BBS9: variants seen among roughly 807,000 people sequenced by gnomAD.
BBS9 encodes the protein Bardet-Biedl syndrome 9.
A neutral mutation model predicts 117.7 loss-of-function variants in BBS9; 89 were observed. The observed-to-expected ratio is 0.76, with a 90% CI of 0.64 to 0.90. The LOEUF is 0.90. Among genes scored for constraint, BBS9 ranks in the 40% least tolerant of loss-of-function variants. The probability of loss-of-function intolerance (pLI) is 0.00; values close to 1 mark genes in which losing one functional copy is unlikely to be tolerated. For synonymous variants in BBS9, 379 were observed against 370.9 expected, an observed-to-expected ratio of 1.02 and a Z score of -0.25; for missense variants, 982 against 1,042.2, an observed-to-expected ratio of 0.94 and a Z score of 0.80.
chr7:33,294,989 GT>G lies in BBS9; in HGVS notation c.1016+21034del, dbSNP rs138349462. 7.5e-3 allele frequency among the ~76,000 whole-genome samples: 1,143 copies of G among 152,232 alleles called. 19 individuals are homozygous for G. Among genetic ancestry groups the G allele is most frequent in the African/African-American group, 0.026 (1,092 of 41,552 alleles). ...TAGGTTTACTGTTACAATGAGACCAGTACAATCTTTTATTTAGGCATTTTAT... is the reference window on the plus strand; with the variant it reads ...TAGGTTTACTGTTACAATGAGACCAGACAATCTTTTATTTAGGCATTTTAT... On this transcript the variant is annotated intron_variant, in intron 9 of 22. Coordinates refer to ENST00000242067, the MANE Select transcript of BBS9 (RefSeq NM_198428.3).
rs1274169022 is a variant in BBS9, at chr7:33,340,906, C to T, written c.1208C>T (p.Pro403Leu). 6.2e-7 allele frequency: 1 copy of T among 1,613,020 alleles called. No individual in the cohort carries two copies. Among genetic ancestry groups the T allele is most frequent in the South Asian group, 1.1e-5 (1 of 91,030 alleles). ...KDVNKSQGVW[P>L]MTEREDDLNV... ...TTTTTTTAAATCACAGGTGTTTGGC[C>T]CATGACTGAGAGAGAAGATGACTTG... Residue 403 changes from proline (P) to leucine (L), a missense_variant, in exon 11 of 23, where the codon CCC (proline) becomes CTC (leucine). Physicochemically the swap from Pro to Leu is moderately conservative, Grantham distance 98. Transcript: ENST00000242067.
intron 15 of BBS9, among the ~76,000 whole-genome samples, chr7:33,356,314 T>C (rs1288112111): frequency 6.6e-6 from 1 of 151,944 alleles, no homozygotes; most frequent in Middle Eastern, 3.4e-3. Context: ...TGTGGTGATA[T>C]TGACAGTCGT....
At chr7:33,311,586 G>A (rs114508251) in intron 9 of BBS9, among the ~76,000 whole-genome samples, 8,873 of 152,162 alleles carry the variant, frequency 0.058, 304 homozygotes, top group African/African-American at 0.077. Flanking sequence ...ATATTCCGAG[G>A]CAGGCAGATC....
intron 9 of BBS9, among the ~76,000 whole-genome samples, chr7:33,313,338 A>C (rs11976613): frequency 0.17 from 26,183 of 152,132 alleles, 2,485 homozygotes; most frequent in South Asian, 0.21. Context: ...GTAGGTGCTA[A>C]ATAAATATTT....
intron 12 of BBS9, among the ~76,000 whole-genome samples, chr7:33,345,893 C>A (rs775197218): frequency 1.1e-4 from 17 of 152,076 alleles, no homozygotes; most frequent in African/African-American, 4.1e-4. Context: ...TAATTGTACC[C>A]CCAGCCAACC....
intron 1 of BBS9, among the ~76,000 whole-genome samples, chr7:33,141,861 C>T (rs939641050): frequency 8.6e-5 from 13 of 151,238 alleles, no homozygotes; most frequent in Non-Finnish European, 1.9e-4. Context: ...AATATTTTAG[C>T]TTTTTGGATT....
chr7:33,547,464 T>G (rs542306533), intron 21 of BBS9, among the ~76,000 whole-genome samples: 2 of 152,274 alleles, frequency 1.3e-5, no homozygotes, highest in Admixed American at 1.3e-4. Context: ...ATACATAGAC[T>G]GAATAAAGTT....
At chr7:33,616,519 A>ATAT (rs1585483620) in intron 21 of BBS9, among the ~76,000 whole-genome samples, 1 of 147,800 alleles carries the variant, frequency 6.8e-6, no homozygotes, top group East Asian at 2.0e-4. Context: ...ATATATATAG[A>ATAT]AAGGATAGAG....
At chr7:33,542,230 G>C (rs1183806547) in intron 21 of BBS9, among the ~76,000 whole-genome samples, 3 of 151,980 alleles carry the variant, frequency 2.0e-5, no homozygotes, top group Non-Finnish European at 4.4e-5. Context: ...GATTACAGGC[G>C]TGTGCCACCA....
chr7:33,320,684 T>C (rs1481012785), intron 9 of BBS9, among the ~76,000 whole-genome samples: 3 of 152,156 alleles, frequency 2.0e-5, no homozygotes, highest in Non-Finnish European at 4.4e-5. Flanking sequence ...TCATAGTGGT[T>C]GTACTAATTT....
chr7:33,566,955 C>A (rs943176735), intron 21 of BBS9, among the ~76,000 whole-genome samples: 1 of 151,982 alleles, frequency 6.6e-6, no homozygotes, highest in Admixed American at 6.6e-5. Context: ...CTAAGTTTCC[C>A]CAGGTTGTAA....
intron 1 of BBS9, among the ~76,000 whole-genome samples, chr7:33,139,783 G>T (rs944523128): frequency 1.2e-4 from 18 of 152,124 alleles, no homozygotes; most frequent in African/African-American, 3.4e-4. Flanking sequence ...GCTGATGCAG[G>T]AGTGAGCAGA....
chr7:33,577,493 G>C (rs1455984317), intron 21 of BBS9, among the ~76,000 whole-genome samples: 1 of 152,202 alleles, frequency 6.6e-6, no homozygotes, highest in Non-Finnish European at 1.5e-5. Flanking sequence ...AGACAGTGTG[G>C]AGGTTCCTCA....
chr7:33,387,945 G>T, intron 18 of BBS9, 47 bp from the exon 19 acceptor site: 1 of 1,590,682 alleles, frequency 6.3e-7, no homozygotes, highest in South Asian at 1.1e-5. Context: ...CTTTAAAGAT[G>T]TTTTTTGTGT....
At chr7:33,176,877 A>G (rs1797401706) in intron 4 of BBS9, among the ~76,000 whole-genome samples, 2 of 152,218 alleles carry the variant, frequency 1.3e-5, no homozygotes, top group Admixed American at 6.5e-5. Flanking sequence ...AGAACTAGAA[A>G]GTGAAGCACA....
chr7:33,204,778 G>A (rs1786598341), intron 5 of BBS9, among the ~76,000 whole-genome samples: 1 of 152,126 alleles, frequency 6.6e-6, no homozygotes, highest in Non-Finnish European at 1.5e-5. Flanking sequence ...GGTGTATTGG[G>A]AGAAATAATT....
chr7:33,622,738 T>C (rs975715811), intron 21 of BBS9, among the ~76,000 whole-genome samples: 7 of 152,194 alleles, frequency 4.6e-5, no homozygotes, highest in Non-Finnish European at 7.4e-5. Context: ...TGTAGGGATA[T>C]ACTAATAGAC....
chr7:33,351,168 T>C (rs1306821074), intron 13 of BBS9, 51 bp from the exon 14 acceptor site: 2 of 1,244,118 alleles, frequency 1.6e-6, no homozygotes, highest in Admixed American at 3.4e-5. Context: ...CTGTTGTTAA[T>C]AACAGTTGCC....
intron 21 of BBS9, among the ~76,000 whole-genome samples, chr7:33,631,717 G>T (rs1482717641): frequency 6.6e-6 from 1 of 152,176 alleles, no homozygotes; most frequent in East Asian, 1.9e-4. Flanking sequence ...CCAGCTCGAT[G>T]CAATTTCAGA....
Sources: gnomAD v4.1 joint callset for allele counts (sites outside exome capture counted in the v4.1 genomes callset) on GRCh38, gnomAD v4.1.1 for gene constraint, MANE v1.5 for transcripts, NCBI Gene and HGNC (gene_info 2026-07-23, HGNC 2026-07-21) for gene names.